Variants in CNTN5 observed in about 807,000 individuals in gnomAD.
The protein encoded by CNTN5 is contactin-5.
In CNTN5, 77 loss-of-function variants were observed where a neutral mutation model predicts 129.1. That is an observed-to-expected ratio of 0.60 (90% confidence interval 0.50 to 0.72). CNTN5 has a LOEUF of 0.72. Ranked by LOEUF, CNTN5 falls within the 30% of genes least tolerant of loss-of-function variation. The pLI is 0.00. For missense variants in CNTN5, 1,478 were observed against 1,328.8 expected (o/e 1.11, Z -1.75); for synonymous variants, 509 against 465.6 (o/e 1.09, Z -1.20).
intron 1 of CNTN5, among the ~76,000 whole-genome samples, chr11:99,264,846 T>C (rs1862812165): frequency 1.3e-5 from 2 of 152,098 alleles, no homozygotes; most frequent in Non-Finnish European, 2.9e-5. Context: ...CATATTAATT[T>C]ATCTTCATTT....
At chr11:99,846,760 G>A (rs1436982194) in intron 6 of CNTN5, among the ~76,000 whole-genome samples, 3 of 152,056 alleles carry the variant, frequency 2.0e-5, no homozygotes, top group South Asian at 2.1e-4. Context: ...AAATAGAAAA[G>A]GAAAGAATAA....
At chr11:99,204,834 T>C (rs1017107397) in intron 1 of CNTN5, among the ~76,000 whole-genome samples, 2 of 152,216 alleles carry the variant, frequency 1.3e-5, no homozygotes, top group Admixed American at 1.3e-4. Flanking sequence ...TCTTTGCTTC[T>C]AAATATTAAG....
chr11:99,792,538 G>GGGGGGTGTGT (rs1005923299), intron 3 of CNTN5, among the ~76,000 whole-genome samples: 21 of 127,836 alleles, frequency 1.6e-4, no homozygotes, highest in African/African-American at 6.1e-4. Flanking sequence ...CCTGAAGAGG[G>GGGGGGTGTGT]GTGTGTGTGT....
At chr11:99,062,793 A>G (rs908286832) in intron 1 of CNTN5, among the ~76,000 whole-genome samples, 3 of 152,102 alleles carry the variant, frequency 2.0e-5, no homozygotes, top group Admixed American at 6.6e-5. Flanking sequence ...GCCAGGAAGA[A>G]TTTTTCTATT....
At chr11:99,230,859 G>A (rs887061441) in intron 1 of CNTN5, among the ~76,000 whole-genome samples, 5 of 152,000 alleles carry the variant, frequency 3.3e-5, no homozygotes, top group East Asian at 1.9e-4. Flanking sequence ...CTACGTCCAC[G>A]TGTTCTCATT....
chr11:100,065,593 C>A (rs1298741622), intron 10 of CNTN5, among the ~76,000 whole-genome samples: 1 of 151,874 alleles, frequency 6.6e-6, no homozygotes, highest in Non-Finnish European at 1.5e-5. Context: ...GAACTTATTA[C>A]CCCAGGACCC....
At chr11:99,489,775 G>T (rs1001396424) in intron 2 of CNTN5, among the ~76,000 whole-genome samples, 1 of 152,146 alleles carries the variant, frequency 6.6e-6, no homozygotes, top group Non-Finnish European at 1.5e-5. Flanking sequence ...TATTCCTACT[G>T]CAGACCTCTT....
chr11:100,317,958 T>C (rs1045019708), intron 21 of CNTN5, among the ~76,000 whole-genome samples: 3 of 152,196 alleles, frequency 2.0e-5, no homozygotes, highest in African/African-American at 7.2e-5. Context: ...GAAGTATTTC[T>C]CGGCTGGGCG....
intron 2 of CNTN5, among the ~76,000 whole-genome samples, chr11:99,524,089 T>A (rs1331347488): frequency 6.6e-6 from 1 of 151,998 alleles, no homozygotes; most frequent in Non-Finnish European, 1.5e-5. Context: ...AGTAAAAAAA[T>A]GAATGAAAAT....
At chr11:100,017,589 G>T (rs763619015) in intron 9 of CNTN5, among the ~76,000 whole-genome samples, 1 of 151,928 alleles carries the variant, frequency 6.6e-6, no homozygotes, top group Non-Finnish European at 1.5e-5. Flanking sequence ...CCTGAGTGAT[G>T]ACATGTACTT....
At chr11:99,876,648 C>T (rs1948640027) in intron 6 of CNTN5, among the ~76,000 whole-genome samples, 1 of 152,134 alleles carries the variant, frequency 6.6e-6, no homozygotes, top group Non-Finnish European at 1.5e-5. Context: ...GCCACAGAAG[C>T]ATGAATAACA....
intron 18 of CNTN5, among the ~76,000 whole-genome samples, chr11:100,276,695 GTATA>G (rs1565392218): frequency 6.6e-6 from 1 of 151,792 alleles, no homozygotes; most frequent in Non-Finnish European, 1.5e-5. Context: ...TATACAGTAG[GTATA>G]TATATTTTGG....
At chr11:99,899,454 G>T (rs774285029) in intron 6 of CNTN5, among the ~76,000 whole-genome samples, 11 of 151,962 alleles carry the variant, frequency 7.2e-5, no homozygotes, top group Non-Finnish European at 1.6e-4. Flanking sequence ...ATTTTATCCA[G>T]TACTGTTTTT....
intron 8 of CNTN5, among the ~76,000 whole-genome samples, chr11:99,981,906 C>T (rs2137362819): frequency 6.6e-6 from 1 of 152,254 alleles, no homozygotes; most frequent in South Asian, 2.1e-4. Context: ...CTCTAGTTAA[C>T]AATAAATTAT....
At position 99,422,529 on chromosome 11, in the gene CNTN5, TATA is replaced by T. The variant is rs1565569281; in HGVS notation, c.-71+97046_-71+97048del. Reference sequence around the variant, plus strand: ...GTTACTTTATATTTTTATATATATATATATATATATATATATATATATATATAT... The same window carrying T: ...GTTACTTTATATTTTTATATATATATTATATATATATATATATATATATAT... On this transcript the variant is annotated intron_variant, in intron 2 of 24. Transcript: ENST00000524871. 3.9e-3 allele frequency among the ~76,000 whole-genome samples: 188 copies of T among 48,194 alleles called. 2 individuals carry two copies. Among genetic ancestry groups the T allele is most frequent in the African/African-American group, 0.01 (182 of 17,686 alleles). The allele number at this position is 48,194 out of a possible 152,430, so 31.6% of individuals were successfully genotyped here.
At chr11:99,689,534 A>AAAG (rs1555077192) in intron 3 of CNTN5, among the ~76,000 whole-genome samples, 22 of 147,718 alleles carry the variant, frequency 1.5e-4, no homozygotes, top group Middle Eastern at 3.5e-3. Flanking sequence ...AAAAAAGAAA[A>AAAG]AAAAAAAAAA....
intron 1 of CNTN5, among the ~76,000 whole-genome samples, chr11:99,267,545 G>A (rs540425009): frequency 2.0e-4 from 31 of 151,998 alleles, no homozygotes; most frequent in South Asian, 1.0e-3. Flanking sequence ...GATAGTAGGA[G>A]CCTTGTTAGT....
At chr11:100,005,913 A>G (rs1052561238) in intron 9 of CNTN5, among the ~76,000 whole-genome samples, 5 of 152,222 alleles carry the variant, frequency 3.3e-5, no homozygotes, top group Middle Eastern at 3.4e-3. Context: ...CCTACCATAA[A>G]TCACTATTTT....
At chr11:99,346,371 C>A (rs1937871949) in intron 2 of CNTN5, among the ~76,000 whole-genome samples, 1 of 152,232 alleles carries the variant, frequency 6.6e-6, no homozygotes, top group South Asian at 2.1e-4. Context: ...ACCTGCCTTT[C>A]TTCTCTCATC....
Sources: allele counts gnomAD v4.1 joint callset (sites outside exome capture counted in the v4.1 genomes callset), GRCh38; gene constraint gnomAD v4.1.1; transcripts MANE v1.5; gene names NCBI Gene and HGNC (gene_info 2026-07-23, HGNC 2026-07-21).